ARHGAP24: variants seen among roughly 807,000 people sequenced by gnomAD.
The protein encoded by ARHGAP24 is Rho GTPase activating protein 24.
A neutral mutation model predicts 76.4 loss-of-function variants in ARHGAP24; 50 were observed. The ratio of observed to expected loss-of-function variants is 0.65; its 90% CI spans 0.52 to 0.83. The LOEUF (loss-of-function observed/expected upper bound fraction) is 0.83, where lower values mean the gene tolerates loss of function less well. Ranked by LOEUF, ARHGAP24 falls within the 40% of genes least tolerant of loss-of-function variation. The probability of loss-of-function intolerance (pLI) is 0.00; values close to 1 mark genes in which losing one functional copy is unlikely to be tolerated. For synonymous variants in ARHGAP24, 345 were observed against 323.3 expected (o/e 1.07, Z -0.72); for missense variants, 930 against 914.2 (o/e 1.02, Z -0.22).
chr4:85,545,903 A>C (rs6829120), intron 1 of ARHGAP24, among the ~76,000 whole-genome samples: 1 of 151,986 alleles, frequency 6.6e-6, no homozygotes, highest in African/African-American at 2.4e-5. Flanking sequence ...GTCTGGGGCT[A>C]TTCTACACTA....
chr4:85,535,822 A>G lies in ARHGAP24; in HGVS notation c.-20-34700A>G, dbSNP rs116826849. Reference sequence around the variant, plus strand: ...AAGTTATGGCTTTATTTTCTTCACTATTGATGTTCTTGGAAGAGTAAAATT... The same window carrying G: ...AAGTTATGGCTTTATTTTCTTCACTGTTGATGTTCTTGGAAGAGTAAAATT... On this transcript the variant is annotated intron_variant, in intron 1 of 9. Transcript: ENST00000395184. 9.7e-3 allele frequency among the ~76,000 whole-genome samples: 1,473 copies of G among 152,174 alleles called. 13 individuals carry two copies. The highest frequency in any genetic ancestry group is 0.019 in the East Asian group (96 of 5,176).
intron 2 of ARHGAP24, among the ~76,000 whole-genome samples, chr4:85,707,286 T>A (rs764253157): frequency 2.0e-5 from 3 of 152,232 alleles, no homozygotes; most frequent in Non-Finnish European, 4.4e-5. Flanking sequence ...GATATATTTT[T>A]ACCAGATGTT....
At chr4:85,811,436 C>A (rs749700791) in intron 3 of ARHGAP24, among the ~76,000 whole-genome samples, 1 of 152,154 alleles carries the variant, frequency 6.6e-6, no homozygotes, top group Non-Finnish European at 1.5e-5. Flanking sequence ...GGGTAGTGAG[C>A]TGCCCAGCCC....
At chr4:85,585,233 C>T (rs1467774079) in intron 2 of ARHGAP24, among the ~76,000 whole-genome samples, 1 of 152,182 alleles carries the variant, frequency 6.6e-6, no homozygotes. Flanking sequence ...TTAACAAAAG[C>T]AGATGTATTC....
At chr4:85,885,439 G>A (rs978532452) in intron 3 of ARHGAP24, among the ~76,000 whole-genome samples, 1 of 152,022 alleles carries the variant, frequency 6.6e-6, no homozygotes, top group African/African-American at 2.4e-5. Flanking sequence ...ATACCTATTA[G>A]CTGTTACCCA....
intron 2 of ARHGAP24, among the ~76,000 whole-genome samples, chr4:85,633,048 G>T (rs1325163524): frequency 6.6e-6 from 1 of 151,654 alleles, no homozygotes; most frequent in Non-Finnish European, 1.5e-5. Flanking sequence ...ACTGTTTTTA[G>T]CTCTTAGTGA....
chr4:85,630,694 C>T (rs7685535), intron 2 of ARHGAP24, among the ~76,000 whole-genome samples: 141,669 of 152,118 alleles, frequency 0.93, 66,010 homozygotes, highest in East Asian at 0.98. Context: ...GTATCTTTTT[C>T]TAATACTCTA....
Position 85,801,512 on chromosome 4 carries a change from T to C in ARHGAP24, c.268+79540T>C, listed in dbSNP as rs76240697. Among the ~76,000 whole-genome samples the C allele has an allele frequency of 4.2e-3, 639 of 152,364 alleles. 38 individuals are homozygous for C. The East Asian group carries it at 0.11, about 27-fold the overall frequency. On this transcript the variant is annotated intron_variant, in intron 3 of 9. Transcript: ENST00000395184. Reference sequence around the variant, plus strand: ...CAGGAATTTTCTTTCCAAGTAAAAATTGAAATATGTATATTTACAGTGTCA... The same window carrying C: ...CAGGAATTTTCTTTCCAAGTAAAAACTGAAATATGTATATTTACAGTGTCA...
chr4:85,647,136 C>T (rs1412199015), intron 2 of ARHGAP24, among the ~76,000 whole-genome samples: 1 of 151,986 alleles, frequency 6.6e-6, no homozygotes, highest in Admixed American at 6.6e-5. Flanking sequence ...AATGGGGAGA[C>T]ATGCAATGTA....
chr4:85,570,437 T>TTC, intron 1 of ARHGAP24, 85 bp from the exon 2 acceptor site: 1 of 772,264 alleles, frequency 1.3e-6, no homozygotes, highest in Non-Finnish European at 2.0e-6. Flanking sequence ...CTCTCTTTTT[T>TTC]TTTTTCTGGA....
chr4:85,758,037 A>G (rs1726582079), intron 3 of ARHGAP24, among the ~76,000 whole-genome samples: 1 of 151,666 alleles, frequency 6.6e-6, no homozygotes, highest in Non-Finnish European at 1.5e-5. Flanking sequence ...TCTGGGCTAT[A>G]TTATGTGCTT....
intron 3 of ARHGAP24, chr4:85,778,560 T>C (rs2110082480): frequency 1.5e-6 from 1 of 666,052 alleles, no homozygotes; most frequent in East Asian, 1.3e-4. Context: ...CCCGGCTAAA[T>C]TATATTTAAG....
At position 85,683,107 on chromosome 4, in the gene ARHGAP24, TGTG is replaced by T. The variant is rs1330309428; in HGVS notation, c.181-38776_181-38774del. Among the ~76,000 whole-genome samples, 10 of 12,846 alleles carry T rather than the reference TGTG, an allele frequency of 7.8e-4. 1 individual carries two copies. Among genetic ancestry groups the T allele is most frequent in the Admixed American group, 4.7e-3 (5 of 1,062 alleles). 8.4% of individuals were successfully genotyped at this position (12,846 alleles called of 152,430 possible). On this transcript the variant is annotated intron_variant, in intron 2 of 9. Transcript: ENST00000395184. ...CCATCAACTCTTAACTCTCTCAGTG[TGTG>T]GGGGGGTGGGGGGGGGGTGCGGGGG...
chr4:85,658,956 A>C (rs961242921), intron 2 of ARHGAP24, among the ~76,000 whole-genome samples: 2 of 152,174 alleles, frequency 1.3e-5, no homozygotes, highest in Non-Finnish European at 2.9e-5. Context: ...GGATTTGCTG[A>C]GAGATTTATG....
intron 2 of ARHGAP24, among the ~76,000 whole-genome samples, chr4:85,627,798 G>A (rs1334913199): frequency 6.6e-6 from 1 of 152,202 alleles, no homozygotes; most frequent in Non-Finnish European, 1.5e-5. Flanking sequence ...TCCCCAGCCT[G>A]GCTGCCGCCT....
At chr4:85,538,682 A>T (rs1725566989) in intron 1 of ARHGAP24, among the ~76,000 whole-genome samples, 1 of 152,212 alleles carries the variant, frequency 6.6e-6, no homozygotes. Flanking sequence ...TCTACCAAAG[A>T]AGAGTAAGTA....
intron 3 of ARHGAP24, among the ~76,000 whole-genome samples, chr4:85,779,404 C>G (rs2110083103): frequency 6.6e-6 from 1 of 152,206 alleles, no homozygotes; most frequent in African/African-American, 2.4e-5. Flanking sequence ...GACAAGAGAA[C>G]CTGGGCAGGG....
chr4:85,510,867 C>T (rs1480213033), intron 1 of ARHGAP24, among the ~76,000 whole-genome samples: 10 of 143,852 alleles, frequency 7.0e-5, no homozygotes, highest in Non-Finnish European at 1.5e-4. Flanking sequence ...CTATTCTCAT[C>T]GCCATTACTT....
At chr4:85,812,471 C>A (rs919132021) in intron 3 of ARHGAP24, among the ~76,000 whole-genome samples, 1 of 151,954 alleles carries the variant, frequency 6.6e-6, no homozygotes, top group African/African-American at 2.4e-5. Context: ...CATTCAGAAT[C>A]TAGATAAAAT....
Sources: allele counts gnomAD v4.1 joint callset (sites outside exome capture counted in the v4.1 genomes callset), GRCh38; gene constraint gnomAD v4.1.1; transcripts MANE v1.5; gene names NCBI Gene and HGNC (gene_info 2026-07-23, HGNC 2026-07-21).